SYT16: variants seen among roughly 807,000 people sequenced by gnomAD.
The protein encoded by SYT16 is synaptotagmin-16.
Under a neutral mutation model 61.4 loss-of-function variants are expected in SYT16, and 42 were observed. That is an observed-to-expected ratio of 0.68 (90% CI 0.53 to 0.89). SYT16 has a LOEUF of 0.89. Ranked by LOEUF, SYT16 falls within the 40% of genes least tolerant of loss-of-function variation. The pLI is 0.00. For missense variants in SYT16, 804 were observed against 807.3 expected (o/e 1.00, Z 0.05); for synonymous variants, 314 against 302.3 (o/e 1.04, Z -0.40).
rs943957462 is a variant in SYT16, at chr14:62,100,940, A to G, written c.*233A>G. Reference sequence around the variant, plus strand: ...GTCCGTATGGAAAATATTATACCACAATTAAGACCACTGATGAGTTAATTT... The same window carrying G: ...GTCCGTATGGAAAATATTATACCACGATTAAGACCACTGATGAGTTAATTT... On this transcript the variant is annotated 3_prime_UTR_variant, in exon 8 of 8. Coordinates refer to ENST00000683842, the MANE Select transcript of SYT16 (RefSeq NM_001367656.1). 13 of 472,858 alleles carry G rather than the reference A, an allele frequency of 2.7e-5. No homozygotes were observed. In the Admixed American group the frequency reaches 4.5e-4, roughly 16 times the overall value. 29.3% of individuals were successfully genotyped at this position (472,858 alleles called of 1,614,324 possible).
chr14:61,918,510 A>G (rs142850192), intron 1 of SYT16, among the ~76,000 whole-genome samples: 245 of 152,286 alleles, frequency 1.6e-3, no homozygotes, highest in African/African-American at 5.7e-3. Context: ...AAATGATGGT[A>G]TATTCTTATG....
rs1232608183 is a variant in SYT16, at chr14:62,106,518, T to C, written c.*5811T>C. The C allele has an allele frequency of 6.6e-6, 1 of 152,186 alleles. No homozygotes were observed. Among genetic ancestry groups the C allele is most frequent in the Non-Finnish European group, 1.5e-5 (1 of 68,034 alleles). The allele number at this position is 152,186 out of a possible 1,614,324, so 9.4% of individuals were successfully genotyped here. On this transcript the variant is annotated 3_prime_UTR_variant, in exon 8 of 8. Transcript: ENST00000683842. The stretch of plus-strand genomic sequence containing the variant: ...CTAAAGAAGAATGAGAGGACACCCA[T>C]GAATATACCCTTTATAAAGTTCCTT...
chr14:61,954,637 G>T (rs909795170), intron 1 of SYT16, among the ~76,000 whole-genome samples: 2 of 152,114 alleles, frequency 1.3e-5, no homozygotes, highest in Non-Finnish European at 1.5e-5. Context: ...TATAGCAGAT[G>T]ATATATATAC....
intron 1 of SYT16, among the ~76,000 whole-genome samples, chr14:61,901,372 C>T (rs765083927): frequency 4.6e-5 from 7 of 152,148 alleles, no homozygotes; most frequent in Non-Finnish European, 8.8e-5. Context: ...TCACTGAATC[C>T]TCCCAGCCAT....
chr14:62,011,796 T>C (rs2053459779), intron 3 of SYT16, among the ~76,000 whole-genome samples: 1 of 151,274 alleles, frequency 6.6e-6, no homozygotes, highest in South Asian at 2.1e-4. Flanking sequence ...ATATGCCGTA[T>C]ATCACCACAG....
At chr14:62,017,834 C>T (rs2053752855) in intron 3 of SYT16, among the ~76,000 whole-genome samples, 2 of 152,054 alleles carry the variant, frequency 1.3e-5, no homozygotes, top group East Asian at 1.9e-4. Flanking sequence ...GAACTTCAGC[C>T]TCCTGAGTAG....
chr14:61,996,431 T>A lies in SYT16; in HGVS notation c.412T>A (p.Ser138Thr). 1 of 1,613,516 alleles carries A rather than the reference T, an allele frequency of 6.2e-7. No homozygotes were observed. The highest frequency in any genetic ancestry group is 1.1e-5 in the South Asian group (1 of 91,060). Residue 138 changes from serine to threonine, a missense_variant, in exon 3 of 8, where the codon TCT (serine) becomes ACT (threonine). Transcript: ENST00000683842. Reference protein sequence around the residue: ...SDDRKLPHVLSSIAEEEHHLE... With the variant: ...SDDRKLPHVLTSIAEEEHHLE... ...TGACCGCAAGTTACCACATGTGCTT[T>A]CTTCTATTGCGGAGGAAGAGCATCA...
Position 62,098,054 on chromosome 14 carries a change from C to T in SYT16, c.1625-2340C>T, listed in dbSNP as rs571672986. ...TTCACACCTGAAGTGTAATTTCACA[C>T]CTTGTGTTTCTCAGCAGATAAGTGC... is the stretch of plus-strand genomic sequence containing the variant. On this transcript the variant is annotated intron_variant, in intron 7 of 7. Transcript: ENST00000683842. Among the ~76,000 whole-genome samples, 5 of 152,330 alleles carry T rather than the reference C, an allele frequency of 3.3e-5. No homozygotes were observed. The South Asian group carries it at 1.0e-3, about 32-fold the overall frequency.
At chr14:61,992,801 A>T (rs773676667) in intron 2 of SYT16, among the ~76,000 whole-genome samples, 9 of 152,104 alleles carry the variant, frequency 5.9e-5, no homozygotes, top group Non-Finnish European at 1.2e-4. Context: ...AGAGGTGAAG[A>T]TTATATAGAG....
intron 1 of SYT16, among the ~76,000 whole-genome samples, chr14:61,849,733 C>T (rs1188989295): frequency 1.3e-5 from 2 of 152,136 alleles, no homozygotes; most frequent in African/African-American, 2.4e-5. Context: ...GTCTTTCCTA[C>T]CCTCTTTAGT....
chr14:62,039,224 T>C (rs542518109), intron 3 of SYT16, among the ~76,000 whole-genome samples: 1 of 152,348 alleles, frequency 6.6e-6, no homozygotes, highest in South Asian at 2.1e-4. Flanking sequence ...TGATCCATCT[T>C]GGGGTTGTGG....
chr14:61,974,848 G>T (rs1046991229), intron 2 of SYT16, among the ~76,000 whole-genome samples: 4 of 152,186 alleles, frequency 2.6e-5, no homozygotes, highest in Non-Finnish European at 5.9e-5. Flanking sequence ...TCAGAAGGAT[G>T]GTTGCTAAAA....
chr14:62,011,926 CAT>C lies in SYT16; in HGVS notation c.523+15399_523+15400del, dbSNP rs142408466. ...ACACATATATATACACACACACACA[CAT>C]ATATATATATATATTTGATGCTGTG... On this transcript the variant is annotated intron_variant, in intron 3 of 7. Coordinates refer to ENST00000683842, the MANE Select transcript of SYT16 (RefSeq NM_001367656.1). Among the ~76,000 whole-genome samples, 234 of 132,820 alleles carry C rather than the reference CAT, an allele frequency of 1.8e-3. 8 individuals are homozygous for C. The highest frequency in any genetic ancestry group is 7.5e-3 in the African/African-American group (222 of 29,580). The allele number at this position is 132,820 out of a possible 152,430, so 87.1% of individuals were successfully genotyped here.
chr14:62,102,604 A>G lies in SYT16; in HGVS notation c.*1897A>G, dbSNP rs1003803446. On this transcript the variant is annotated 3_prime_UTR_variant, in exon 8 of 8. Coordinates refer to ENST00000683842, the MANE Select transcript of SYT16 (RefSeq NM_001367656.1). ...TGCGATTGATTAAGTAGCAGCACAA[A>G]GAAGTGGCTTTTCACATCTCTTACT... 6.6e-6 allele frequency: 1 copy of G among 152,204 alleles called. No homozygotes were observed. The highest frequency in any genetic ancestry group is 1.5e-5 in the Non-Finnish European group (1 of 68,036). The allele number at this position is 152,204 out of a possible 1,614,324, so 9.4% of individuals were successfully genotyped here. A position where few individuals can be genotyped will look rare whatever the true frequency, so the allele number is the denominator to read the frequency against.
chr14:61,875,128 T>G (rs746546893), intron 1 of SYT16, among the ~76,000 whole-genome samples: 2 of 152,230 alleles, frequency 1.3e-5, no homozygotes, highest in African/African-American at 4.8e-5. Flanking sequence ...ATGAGATTCA[T>G]AAGCAGATTA....
At chr14:61,871,292 CT>C (rs2047324645) in intron 1 of SYT16, among the ~76,000 whole-genome samples, 1 of 151,194 alleles carries the variant, frequency 6.6e-6, no homozygotes, top group Admixed American at 6.6e-5. Flanking sequence ...TTGATTGTAC[CT>C]TTCTGGTGGT....
intron 7 of SYT16, among the ~76,000 whole-genome samples, chr14:62,094,865 T>C (rs2057216569): frequency 6.6e-6 from 1 of 152,012 alleles, no homozygotes; most frequent in East Asian, 1.9e-4. Context: ...TATAGGGATC[T>C]TTGATCAATA....
rs2046032952 is a variant in SYT16 at position 61,833,915 on chromosome 14, A to G, written c.-325+21105A>G. Among the ~76,000 whole-genome samples, 3 of 148,036 alleles carry G rather than the reference A, an allele frequency of 2.0e-5. No individual in the cohort carries two copies. In the South Asian group the frequency reaches 6.4e-4, roughly 32 times the overall value. ...CTGTTCTTTTTCCCTGTGGAGTCCC[A>G]TAGCCTCTAAGTCTGAAACTAAATT... On this transcript the variant is annotated intron_variant, in intron 1 of 7. Transcript: ENST00000683842.
intron 1 of SYT16, among the ~76,000 whole-genome samples, chr14:61,856,248 T>C (rs2046770843): frequency 6.6e-6 from 1 of 152,196 alleles, no homozygotes. Context: ...CTCAACAGGA[T>C]TGCTCTGGCT....
Sources: allele counts gnomAD v4.1 joint callset (sites outside exome capture counted in the v4.1 genomes callset), GRCh38; gene constraint gnomAD v4.1.1; transcripts MANE v1.5; gene names NCBI Gene and HGNC (gene_info 2026-07-23, HGNC 2026-07-21).